Variants in ETV6 observed in about 807,000 individuals in gnomAD.
The protein encoded by ETV6 is transcription factor ETV6.
In ETV6, 16 loss-of-function variants were observed where a neutral mutation model predicts 51.1. The observed-to-expected ratio is 0.31, with a 90% confidence interval of 0.21 to 0.48. The LOEUF is 0.48. Among genes scored for constraint, ETV6 ranks in the 20% least tolerant of loss-of-function variants. The pLI is 0.99. For missense variants in ETV6, 458 were observed against 594.8 expected, an observed-to-expected ratio of 0.77 and a Z score of 2.39; for synonymous variants, 240 against 224.1, an observed-to-expected ratio of 1.07 and a Z score of -0.64.
At chr12:11,664,608 G>T (rs1864160873) in intron 1 of ETV6, among the ~76,000 whole-genome samples, 1 of 152,098 alleles carries the variant, frequency 6.6e-6, no homozygotes, top group African/African-American at 2.4e-5. Flanking sequence ...CCAGGACTAA[G>T]GTTAGCGAAC....
At chr12:11,757,437 G>A (rs1000861702) in intron 2 of ETV6, among the ~76,000 whole-genome samples, 8 of 146,820 alleles carry the variant, frequency 5.4e-5, no homozygotes, top group African/African-American at 2.0e-4. Context: ...CAAAAAAAAA[G>A]AGGCAAAATT....
chr12:11,784,177 C>G (rs2136373790), intron 2 of ETV6, among the ~76,000 whole-genome samples: 1 of 152,288 alleles, frequency 6.6e-6, no homozygotes, highest in Non-Finnish European at 1.5e-5. Flanking sequence ...TGCCTGTAAT[C>G]CCAGCACTTT....
At chr12:11,882,641 C>G (rs1947115778) in intron 5 of ETV6, among the ~76,000 whole-genome samples, 1 of 152,226 alleles carries the variant, frequency 6.6e-6, no homozygotes, top group African/African-American at 2.4e-5. Context: ...ATTACTTTCT[C>G]TTCCCTCCCA....
At chr12:11,804,315 C>T (rs1206848056) in intron 2 of ETV6, among the ~76,000 whole-genome samples, 3 of 152,208 alleles carry the variant, frequency 2.0e-5, no homozygotes, top group Non-Finnish European at 4.4e-5. Flanking sequence ...TGTGCCAAAA[C>T]CTCCACTGGC....
chr12:11,768,843 A>T, intron 2 of ETV6: 1 of 448,450 alleles, frequency 2.2e-6, no homozygotes. Flanking sequence ...TGCCTACCAC[A>T]TTCCAGCTAC....
chr12:11,753,659 G>C (rs1440185875), intron 2 of ETV6, among the ~76,000 whole-genome samples: 3 of 152,302 alleles, frequency 2.0e-5, no homozygotes, highest in Non-Finnish European at 2.9e-5. Flanking sequence ...GAGGATGCAG[G>C]TTCTTCCTTT....
At chr12:11,822,192 T>G (rs1002207471) in intron 2 of ETV6, among the ~76,000 whole-genome samples, 3 of 152,212 alleles carry the variant, frequency 2.0e-5, no homozygotes, top group African/African-American at 7.2e-5. Context: ...ATCTCCTAGG[T>G]TAGACGGATG....
chr12:11,869,527 T>C lies in ETV6; in HGVS notation c.567T>C (p.Asn189=). 6.2e-7 allele frequency: 1 copy of C among 1,614,052 alleles called. No individual in the cohort carries two copies. Among genetic ancestry groups the C allele is most frequent in the Non-Finnish European group, 8.5e-7 (1 of 1,180,002 alleles). ...LHRSRSPITT[N]HRPSPDPEQR... ...GCTCCAGGTCACCTATCACGACAAA[T>C]CACCGGCCTTCTCCTGACCCCGAGC... Residue 189 remains asparagine, a synonymous_variant, in exon 5 of 8, where the codon AAT becomes AAC. Transcript: ENST00000396373. The surrounding 1 kb of genome is among the most constrained non-coding windows in gnomAD (Gnocchi z 5.0).
intron 2 of ETV6, among the ~76,000 whole-genome samples, chr12:11,787,071 A>C (rs1462600742): frequency 2.0e-5 from 3 of 152,198 alleles, no homozygotes; most frequent in Non-Finnish European, 4.4e-5. Context: ...CCATGAGCCA[A>C]GTTTAGTATT....
intron 1 of ETV6, among the ~76,000 whole-genome samples, chr12:11,701,713 T>C (rs573110442): frequency 1.4e-4 from 22 of 152,248 alleles, no homozygotes; most frequent in Admixed American, 1.4e-3. Context: ...GTACACGGTC[T>C]TGTAGAAGAG....
chr12:11,710,616 C>T (rs1200557884), intron 1 of ETV6, among the ~76,000 whole-genome samples: 2 of 134,500 alleles, frequency 1.5e-5, no homozygotes, highest in Admixed American at 8.5e-5. Flanking sequence ...TACAAATATA[C>T]ACTACTGTTA....
chr12:11,772,372 A>G lies in ETV6; in HGVS notation c.163+19793A>G, dbSNP rs553886921. Among the ~76,000 whole-genome samples the G allele has an allele frequency of 5.3e-5, 8 of 152,338 alleles. No homozygotes were observed. In the East Asian group the frequency reaches 1.2e-3, roughly 22 times the overall value. On this transcript the variant is annotated intron_variant, in intron 2 of 7. Transcript: ENST00000396373. ...ATGAACCTCTTCCCTGGGAAACCTT[A>G]TGACTCAACAGTCAAAGGTGTCCGA...
intron 1 of ETV6, among the ~76,000 whole-genome samples, chr12:11,650,761 A>T (rs184438522): frequency 1.6e-4 from 24 of 152,178 alleles, no homozygotes; most frequent in African/African-American, 4.6e-4. Flanking sequence ...ATTTTTTTTT[A>T]AAACCAAGGT....
intron 2 of ETV6, among the ~76,000 whole-genome samples, chr12:11,838,928 G>A (rs1462510544): frequency 6.6e-6 from 1 of 152,248 alleles, no homozygotes; most frequent in Non-Finnish European, 1.5e-5. Context: ...CTGCTCCCTG[G>A]ACTCCTCTTG....
At chr12:11,800,958 AT>A (rs1159863121) in intron 2 of ETV6, among the ~76,000 whole-genome samples, 1 of 152,210 alleles carries the variant, frequency 6.6e-6, no homozygotes, top group African/African-American at 2.4e-5. Context: ...TGCAGCAAAC[AT>A]TTTCTGAGAC....
intron 1 of ETV6, among the ~76,000 whole-genome samples, chr12:11,699,822 C>G (rs766120935): frequency 1.3e-5 from 2 of 152,130 alleles, no homozygotes; most frequent in Non-Finnish European, 2.9e-5. Context: ...CGTTCCCCCT[C>G]CTCATTCACT....
intron 1 of ETV6, among the ~76,000 whole-genome samples, chr12:11,741,538 A>T (rs922548734): frequency 8.5e-5 from 13 of 152,240 alleles, no homozygotes; most frequent in African/African-American, 3.1e-4. Flanking sequence ...GAGCTCCGGA[A>T]AGTGAAGCTG....
chr12:11,665,615 T>A (rs1864179267), intron 1 of ETV6, among the ~76,000 whole-genome samples: 1 of 152,244 alleles, frequency 6.6e-6, no homozygotes, highest in Non-Finnish European at 1.5e-5. Flanking sequence ...TAGGTATTTA[T>A]TAAGCTTCTG....
chr12:11,868,852 C>T (rs1434936564), intron 4 of ETV6, among the ~76,000 whole-genome samples: 1 of 152,146 alleles, frequency 6.6e-6, no homozygotes. Context: ...GGAAGTTTGG[C>T]TTCCTTGTGC....
Sources: gnomAD v4.1 joint callset for allele counts (sites outside exome capture counted in the v4.1 genomes callset) on GRCh38, gnomAD v4.1.1 for gene constraint, Gnocchi (gnomAD v3.1) non-coding constraint, MANE v1.5 for transcripts, NCBI Gene and HGNC (gene_info 2026-07-23, HGNC 2026-07-21) for gene names.